BABAM2: variants seen among roughly 807,000 people sequenced by gnomAD.
The protein encoded by BABAM2 is BRISC and BRCA1 A complex member 2.
A neutral mutation model predicts 54.7 loss-of-function variants in BABAM2; 31 were observed. The observed-to-expected ratio is 0.57, with a 90% CI of 0.43 to 0.77. The LOEUF (loss-of-function observed/expected upper bound fraction) is 0.77, where lower values mean the gene tolerates loss of function less well. BABAM2 is among the 30% of genes least tolerant of loss of function. The probability of loss-of-function intolerance (pLI) is 0.00; values close to 1 mark genes in which losing one functional copy is unlikely to be tolerated. For synonymous variants in BABAM2, 167 were observed against 162.9 expected, an observed-to-expected ratio of 1.03 and a Z score of -0.19; for missense variants, 364 against 455.8, an observed-to-expected ratio of 0.80 and a Z score of 1.83.
intron 7 of BABAM2, among the ~76,000 whole-genome samples, chr2:28,201,191 TA>T (rs1231091148): frequency 3.3e-5 from 5 of 152,220 alleles, no homozygotes; most frequent in Admixed American, 6.5e-5. Context: ...AATTGTTTTT[TA>T]TTTTTTTTAG....
intron 10 of BABAM2, among the ~76,000 whole-genome samples, chr2:28,280,062 ATT>A (rs879941037): frequency 2.8e-5 from 4 of 144,080 alleles, no homozygotes; most frequent in Non-Finnish European, 3.1e-5. Flanking sequence ...ATCATAACTA[ATT>A]TTTTTTTTTT....
intron 3 of BABAM2, among the ~76,000 whole-genome samples, chr2:27,932,176 C>T (rs1668143436): frequency 6.6e-6 from 1 of 152,102 alleles, no homozygotes; most frequent in African/African-American, 2.4e-5. Context: ...AGATTCTATT[C>T]CTCTTTCTAC....
Position 27,956,519 on chromosome 2 carries a change from G to A in BABAM2, c.205+26611G>A, listed in dbSNP as rs141779973. On this transcript the variant is annotated intron_variant, in intron 3 of 11. Transcript: ENST00000379624. ...TCTGTGATTTCCAAGATCTGTTGCC[G>A]ATGACCCACACAGTAGACAATCAGG... Among the ~76,000 whole-genome samples the A allele has an allele frequency of 2.9e-3, 436 of 152,186 alleles. 2 individuals are homozygous for A. The highest frequency in any genetic ancestry group is 0.01 in the African/African-American group (423 of 41,528).
intron 10 of BABAM2, among the ~76,000 whole-genome samples, chr2:28,257,914 C>T (rs924260826): frequency 1.3e-5 from 2 of 151,730 alleles, no homozygotes; most frequent in Admixed American, 6.6e-5. Flanking sequence ...TGGTGGCTCA[C>T]GCCTGCAATC....
At chr2:27,972,856 T>C (rs1318582887) in intron 3 of BABAM2, among the ~76,000 whole-genome samples, 1 of 147,538 alleles carries the variant, frequency 6.8e-6, no homozygotes, top group Non-Finnish European at 1.5e-5. Flanking sequence ...AACCTCCACC[T>C]CCCAGGTTCA....
intron 10 of BABAM2, among the ~76,000 whole-genome samples, chr2:28,252,654 A>C (rs748737394): frequency 2.0e-5 from 3 of 152,228 alleles, no homozygotes; most frequent in Non-Finnish European, 4.4e-5. Flanking sequence ...TCTTCATTAT[A>C]ATACCTTAGA....
chr2:28,151,817 C>G (rs1171851960), intron 7 of BABAM2, among the ~76,000 whole-genome samples: 1 of 152,180 alleles, frequency 6.6e-6, no homozygotes, highest in East Asian at 1.9e-4. Flanking sequence ...AAATTCAATT[C>G]AAATCTTTTC....
chr2:28,113,405 G>A (rs1668316481), intron 6 of BABAM2, among the ~76,000 whole-genome samples: 2 of 152,116 alleles, frequency 1.3e-5, no homozygotes, highest in East Asian at 1.9e-4. Flanking sequence ...ATGCAATAGG[G>A]AATCTTTTCC....
At chr2:28,242,076 TG>T (rs1682493935) in intron 9 of BABAM2, among the ~76,000 whole-genome samples, 1 of 152,032 alleles carries the variant, frequency 6.6e-6, no homozygotes, top group African/African-American at 2.4e-5. Flanking sequence ...CGGCACATTT[TG>T]TTGAAGAAGC....
intron 7 of BABAM2, among the ~76,000 whole-genome samples, chr2:28,136,028 C>T (rs541825265): frequency 9.2e-5 from 14 of 152,322 alleles, no homozygotes; most frequent in East Asian, 1.9e-4. Context: ...ATTCAGATTC[C>T]GTGTTACAGT....
intron 3 of BABAM2, among the ~76,000 whole-genome samples, chr2:27,938,423 G>A (rs770877161): frequency 5.4e-4 from 81 of 150,168 alleles, no homozygotes; most frequent in Non-Finnish European, 9.7e-4. Flanking sequence ...ACAGAATCTC[G>A]CTCTGTCCCC....
At chr2:28,327,618 C>A (rs555013845) in intron 11 of BABAM2, among the ~76,000 whole-genome samples, 1 of 152,128 alleles carries the variant, frequency 6.6e-6, no homozygotes, top group Non-Finnish European at 1.5e-5. Context: ...GCGAGGAGGC[C>A]GAGCTGTATA....
intron 4 of BABAM2, among the ~76,000 whole-genome samples, chr2:28,000,198 T>A (rs1203829854): frequency 1.3e-5 from 2 of 152,198 alleles, no homozygotes; most frequent in African/African-American, 4.8e-5. Context: ...CTTAATGTCC[T>A]TTTTCTATTC....
chr2:28,309,892 G>T, intron 11 of BABAM2: 1 of 580,352 alleles, frequency 1.7e-6, no homozygotes, highest in Non-Finnish European at 3.1e-6. Flanking sequence ...CAGGAATTGG[G>T]GACTGAGGTC....
chr2:28,272,213 C>T (rs957938050), intron 10 of BABAM2, among the ~76,000 whole-genome samples: 3 of 152,204 alleles, frequency 2.0e-5, no homozygotes, highest in African/African-American at 7.2e-5. Context: ...ATGTTCAGAA[C>T]TTCAATTCAA....
intron 6 of BABAM2, among the ~76,000 whole-genome samples, chr2:28,074,702 A>G (rs1464963532): frequency 6.6e-6 from 1 of 151,868 alleles, no homozygotes; most frequent in Non-Finnish European, 1.5e-5. Context: ...CCATGGCATT[A>G]GTTGGGGTGA....
At chr2:28,251,599 G>A (rs1193740791) in intron 10 of BABAM2, among the ~76,000 whole-genome samples, 4 of 152,162 alleles carry the variant, frequency 2.6e-5, no homozygotes, top group Admixed American at 6.5e-5. Context: ...GTGTTTCGTC[G>A]TAGAATATTT....
intron 2 of BABAM2, among the ~76,000 whole-genome samples, chr2:27,912,031 T>G (rs1279633217): frequency 6.6e-6 from 1 of 152,192 alleles, no homozygotes; most frequent in Non-Finnish European, 1.5e-5. Flanking sequence ...TGTTTAACCA[T>G]GCCTAATTCC....
chr2:28,177,140 A>G (rs1675097674), intron 7 of BABAM2, among the ~76,000 whole-genome samples: 1 of 152,146 alleles, frequency 6.6e-6, no homozygotes, highest in African/African-American at 2.4e-5. Context: ...AAGACAGAAA[A>G]TTCTACAAAC....
Sources: gnomAD v4.1 joint callset for allele counts (sites outside exome capture counted in the v4.1 genomes callset) on GRCh38, gnomAD v4.1.1 for gene constraint, MANE v1.5 for transcripts, NCBI Gene and HGNC (gene_info 2026-07-23, HGNC 2026-07-21) for gene names.